The following TAFA5 variants were observed in gnomAD, a reference collection of about 807,000 sequenced individuals.
The protein encoded by TAFA5 is chemokine-like protein TAFA-5.
A neutral mutation model predicts 15.3 loss-of-function variants in TAFA5; 6 were observed. The ratio of observed to expected loss-of-function variants is 0.39; its 90% CI spans 0.21 to 0.77. The LOEUF is 0.77. Ranked by LOEUF, TAFA5 falls within the 30% of genes least tolerant of loss-of-function variation. The pLI is 0.41. For synonymous variants in TAFA5, 103 were observed against 80.7 expected (o/e 1.28, Z -1.48); for missense variants, 161 against 193.1 (o/e 0.83, Z 0.98).
At chr22:48,553,954 C>T (rs1029886238) in intron 1 of TAFA5, among the ~76,000 whole-genome samples, 1 of 152,220 alleles carries the variant, frequency 6.6e-6, no homozygotes, top group Non-Finnish European at 1.5e-5. Flanking sequence ...TTGTCCAGGC[C>T]ACTGAATGGG....
At chr22:48,491,923 T>C (rs1013227901) in intron 1 of TAFA5, among the ~76,000 whole-genome samples, 11 of 152,190 alleles carry the variant, frequency 7.2e-5, no homozygotes, top group Admixed American at 1.3e-4. Flanking sequence ...CTTACCAGAG[T>C]AGCAGAAATA....
chr22:48,705,379 C>G (rs570337686), intron 2 of TAFA5, among the ~76,000 whole-genome samples: 1 of 152,318 alleles, frequency 6.6e-6, no homozygotes, highest in South Asian at 2.1e-4. Context: ...CTCCTCCCCC[C>G]TTGTCGGAAC....
chr22:48,575,729 C>G (rs112942382), intron 1 of TAFA5, among the ~76,000 whole-genome samples: 1 of 145,196 alleles, frequency 6.9e-6, no homozygotes, highest in African/African-American at 2.5e-5. Flanking sequence ...CCGGCACCGT[C>G]CGGTGGGGAC....
chr22:48,659,873 A>C (rs757962533), intron 2 of TAFA5, among the ~76,000 whole-genome samples: 4 of 152,210 alleles, frequency 2.6e-5, no homozygotes, highest in Non-Finnish European at 4.4e-5. Flanking sequence ...GTGATTTGAG[A>C]TTTCAAACTA....
chr22:48,624,758 C>T (rs115614093), intron 1 of TAFA5, among the ~76,000 whole-genome samples: 5 of 152,220 alleles, frequency 3.3e-5, no homozygotes, highest in African/African-American at 7.2e-5. Context: ...CAGAAACAGC[C>T]GTTACCCCAG....
intron 1 of TAFA5, among the ~76,000 whole-genome samples, chr22:48,504,643 C>T (rs1348328681): frequency 6.6e-6 from 1 of 152,200 alleles, no homozygotes. Context: ...GAGGGGGCTC[C>T]CTGTTTGGGG....
chr22:48,726,214 A>G (rs1464886841), intron 3 of TAFA5, among the ~76,000 whole-genome samples: 1 of 152,266 alleles, frequency 6.6e-6, no homozygotes, highest in African/African-American at 2.4e-5. Flanking sequence ...TGGGCAAAGT[A>G]AATAAATAAG....
At chr22:48,642,550 C>T (rs902678667) in intron 1 of TAFA5, among the ~76,000 whole-genome samples, 1 of 152,194 alleles carries the variant, frequency 6.6e-6, no homozygotes, top group South Asian at 2.1e-4. Flanking sequence ...CACTGAGGAC[C>T]CTGTCCCTGC....
intron 2 of TAFA5, among the ~76,000 whole-genome samples, chr22:48,671,391 A>G (rs889489401): frequency 5.9e-5 from 9 of 152,180 alleles, no homozygotes; most frequent in African/African-American, 2.2e-4. Context: ...TCTGTTGAGA[A>G]TCACAGAAAT....
chr22:48,604,303 A>G (rs1925080687), intron 1 of TAFA5, among the ~76,000 whole-genome samples: 1 of 152,194 alleles, frequency 6.6e-6, no homozygotes, highest in Non-Finnish European at 1.5e-5. Flanking sequence ...GAGGACCTTC[A>G]GTGCCCTGGA....
chr22:48,687,140 G>A (rs1366160130), intron 2 of TAFA5, among the ~76,000 whole-genome samples: 1 of 149,578 alleles, frequency 6.7e-6, no homozygotes, highest in African/African-American at 2.5e-5. Context: ...GGATAGATAG[G>A]TGGATGGATG....
At chr22:48,496,779 G>C (rs1928341879) in intron 1 of TAFA5, among the ~76,000 whole-genome samples, 1 of 152,190 alleles carries the variant, frequency 6.6e-6, no homozygotes, top group African/African-American at 2.4e-5. Flanking sequence ...TGGTTTCCTG[G>C]GGGTTAACGG....
At chr22:48,586,283 C>G (rs1924357198) in intron 1 of TAFA5, among the ~76,000 whole-genome samples, 1 of 152,272 alleles carries the variant, frequency 6.6e-6, no homozygotes, top group Admixed American at 6.5e-5. Flanking sequence ...GGGCATTGCA[C>G]ACGCACCTCC....
intron 1 of TAFA5, among the ~76,000 whole-genome samples, chr22:48,644,352 G>A (rs940155832): frequency 5.3e-5 from 8 of 152,160 alleles, no homozygotes; most frequent in African/African-American, 1.4e-4. Context: ...CCCCCTCCCC[G>A]CAGCCACGCA....
At chr22:48,507,098 T>G (rs1240273614) in intron 1 of TAFA5, among the ~76,000 whole-genome samples, 1 of 149,084 alleles carries the variant, frequency 6.7e-6, no homozygotes, top group African/African-American at 2.4e-5. Flanking sequence ...GGTATGCAGT[T>G]GGAGGAGAAG....
chr22:48,731,245 G>A (rs554746882), intron 3 of TAFA5, among the ~76,000 whole-genome samples: 1 of 152,306 alleles, frequency 6.6e-6, no homozygotes, highest in Admixed American at 6.5e-5. Context: ...GCCAGCAGAC[G>A]TTGACTCATG....
chr22:48,500,036 A>G (rs1920943895), intron 1 of TAFA5, among the ~76,000 whole-genome samples: 1 of 152,006 alleles, frequency 6.6e-6, no homozygotes, highest in South Asian at 2.1e-4. Context: ...AAATTCAGCA[A>G]TTCTCAGAGA....
In TAFA5 at chr22:48,634,337, T is replaced by C. The variant is rs189544236; in HGVS notation, c.113-12260T>C. On this transcript the variant is annotated intron_variant, in intron 1 of 3. Coordinates refer to ENST00000402357, the MANE Select transcript of TAFA5 (RefSeq NM_001082967.3). The stretch of plus-strand genomic sequence containing the variant: ...ATTTATTCACTCACTTATTCAATCA[T>C]TCACTCATTCACCCACTCATCACTC... Among the ~76,000 whole-genome samples, 14 of 152,284 alleles carry C rather than the reference T, an allele frequency of 9.2e-5. No homozygotes were observed. In the East Asian group the frequency reaches 2.7e-3, roughly 29 times the overall value.
intron 1 of TAFA5, among the ~76,000 whole-genome samples, chr22:48,567,607 C>T (rs1923451167): frequency 6.6e-6 from 1 of 152,074 alleles, no homozygotes; most frequent in African/African-American, 2.4e-5. Flanking sequence ...AGAGGGGGGA[C>T]AGGCCTGCTC....
Sources: allele counts gnomAD v4.1 joint callset (sites outside exome capture counted in the v4.1 genomes callset), GRCh38; gene constraint gnomAD v4.1.1; transcripts MANE v1.5; gene names NCBI Gene and HGNC (gene_info 2026-07-23, HGNC 2026-07-21).